CUX2: variants seen among roughly 807,000 people sequenced by gnomAD.
The protein encoded by CUX2 is cut like homeobox 2, also known as homeobox protein cut-like 2.
CUX2 carries 40 observed loss-of-function variants against 144.8 expected under a neutral mutation model. That is an observed-to-expected ratio of 0.28 (90% CI 0.21 to 0.36). The LOEUF (loss-of-function observed/expected upper bound fraction) is 0.36, where lower values mean the gene tolerates loss of function less well. Ranked by LOEUF, CUX2 falls within the 10% of genes least tolerant of loss-of-function variation. CUX2 has a pLI of 1.00. For missense variants in CUX2, 1,615 were observed against 1,994.0 expected (o/e 0.81, Z 3.62); for synonymous variants, 827 against 875.6 (o/e 0.94, Z 0.98).
chr12:111,192,284 C>T (rs1213974122), intron 1 of CUX2, among the ~76,000 whole-genome samples: 4 of 152,126 alleles, frequency 2.6e-5, no homozygotes, highest in South Asian at 4.2e-4. Context: ...ACACCACCGA[C>T]GCCCAGCTGA....
At position 111,242,769 on chromosome 12, in the gene CUX2, C is replaced by T. The variant is rs138074701; in HGVS notation, c.223-20992C>T. On this transcript the variant is annotated intron_variant, in intron 3 of 21. Transcript: ENST00000261726. The stretch of plus-strand genomic sequence containing the variant: ...GCAGAGGTTGCAGTGAGTCGAGATT[C>T]CACCACTGCATTCCAGCCGGGGCAG... Among the ~76,000 whole-genome samples the T allele has an allele frequency of 2.1e-3, 314 of 152,186 alleles. 4 individuals carry two copies. Among genetic ancestry groups the T allele is most frequent in the African/African-American group, 7.3e-3 (305 of 41,516 alleles).
intron 1 of CUX2, among the ~76,000 whole-genome samples, chr12:111,082,953 G>T (rs1219773803): frequency 6.6e-6 from 1 of 152,168 alleles, no homozygotes; most frequent in Non-Finnish European, 1.5e-5. Flanking sequence ...GGTGTTCTGA[G>T]CTGTGCTGGA....
At chr12:111,311,655 G>C (rs780852995) in intron 15 of CUX2, among the ~76,000 whole-genome samples, 13 of 147,830 alleles carry the variant, frequency 8.8e-5, no homozygotes, top group African/African-American at 3.3e-4. Flanking sequence ...CTGGAGTGCA[G>C]TGGCACAATC....
intron 3 of CUX2, among the ~76,000 whole-genome samples, chr12:111,238,219 G>A (rs1244970956): frequency 6.6e-6 from 1 of 152,198 alleles, no homozygotes; most frequent in Non-Finnish European, 1.5e-5. Context: ...ATGTTTGTTT[G>A]CCTAATTACT....
At chr12:111,141,227 A>AACACACACACAC (rs111451932) in intron 1 of CUX2, among the ~76,000 whole-genome samples, 2 of 147,354 alleles carry the variant, frequency 1.4e-5, no homozygotes, top group African/African-American at 5.0e-5. Flanking sequence ...GGCTTAGGTC[A>AACACACACACAC]ACACACACAC....
At chr12:111,342,737 T>C (rs1888630595) in intron 21 of CUX2, among the ~76,000 whole-genome samples, 1 of 152,100 alleles carries the variant, frequency 6.6e-6, no homozygotes, top group Admixed American at 6.6e-5. Flanking sequence ...GGTGGGCAGA[T>C]CACCTGAGGT....
At chr12:111,116,259 T>C (rs567108387) in intron 1 of CUX2, among the ~76,000 whole-genome samples, 1 of 152,324 alleles carries the variant, frequency 6.6e-6, no homozygotes, top group East Asian at 1.9e-4. Flanking sequence ...AGTCAGAGCA[T>C]TGGAAAAACC....
At chr12:111,180,540 A>C (rs1166932624) in intron 1 of CUX2, among the ~76,000 whole-genome samples, 2 of 152,230 alleles carry the variant, frequency 1.3e-5, no homozygotes, top group African/African-American at 4.8e-5. Context: ...GTGTCAACAT[A>C]GAAAAGTAAA....
At chr12:111,313,490 A>C (rs1036466859) in intron 16 of CUX2, among the ~76,000 whole-genome samples, 1 of 151,412 alleles carries the variant, frequency 6.6e-6, no homozygotes, top group Non-Finnish European at 1.5e-5. Flanking sequence ...ACATACAAAA[A>C]AATTAGCTGG....
In CUX2 at chr12:111,320,466, C is replaced by A. The variant is rs201135503; in HGVS notation, c.2457C>A (p.Pro819=). The A allele has an allele frequency of 1.7e-4, 278 of 1,591,216 alleles. No individual in the cohort carries two copies. Among genetic ancestry groups the A allele is most frequent in the Middle Eastern group, 3.3e-4 (2 of 6,054 alleles). ...SSSSSGYSGQ[P]NGRAWPRGDE... is the part of the protein sequence containing the mutation. ...CCTCCTCTGGCTACTCTGGCCAGCC[C>A]AACGGCCGCGCCTGGCCCCGCGGGG... The change falls in exon 17 of 22, where the codon CCC becomes CCA. Residue 819 remains proline, a synonymous_variant. Transcript: ENST00000261726. The surrounding 1 kb of genome is among the most constrained non-coding windows in gnomAD (Gnocchi z 8.1).
chr12:111,181,654 A>C (rs573237033), intron 1 of CUX2, among the ~76,000 whole-genome samples: 1 of 152,372 alleles, frequency 6.6e-6, no homozygotes, highest in South Asian at 2.1e-4. Flanking sequence ...AGGCCTGCGC[A>C]GATCTATAAA....
At chr12:111,281,736 T>C (rs1366418976) in intron 4 of CUX2, among the ~76,000 whole-genome samples, 1 of 152,202 alleles carries the variant, frequency 6.6e-6, no homozygotes, top group Non-Finnish European at 1.5e-5. Context: ...GTCCTTGTTT[T>C]ACAGATGGGG....
chr12:111,048,601 G>T (rs1258291988), intron 1 of CUX2, among the ~76,000 whole-genome samples: 1 of 152,124 alleles, frequency 6.6e-6, no homozygotes, highest in Admixed American at 6.5e-5. Flanking sequence ...TGGGGGATTG[G>T]GTTATGTTCT....
chr12:111,048,786 G>A (rs550935192), intron 1 of CUX2, among the ~76,000 whole-genome samples: 50 of 152,252 alleles, frequency 3.3e-4, no homozygotes, highest in Non-Finnish European at 5.7e-4. Flanking sequence ...TTCATATATG[G>A]GGATGCTGTT....
chr12:111,059,102 A>G lies in CUX2; in HGVS notation c.63+24862A>G, dbSNP rs1217892332. Among the ~76,000 whole-genome samples the G allele has an allele frequency of 6.6e-6, 1 of 152,248 alleles. No homozygotes were observed. Among genetic ancestry groups the G allele is most frequent in the Non-Finnish European group, 1.5e-5 (1 of 68,052 alleles). On this transcript the variant is annotated intron_variant, in intron 1 of 21. Coordinates refer to ENST00000261726, the MANE Select transcript of CUX2 (RefSeq NM_015267.4). The surrounding 1 kb of genome is among the most constrained non-coding windows in gnomAD (Gnocchi z 5.3). ...AACCGTAAACATCTAGAGGCTCGGA[A>G]TGCTGAACTTTCTGAGGATGCAGCC...
intron 1 of CUX2, among the ~76,000 whole-genome samples, chr12:111,098,604 T>C (rs1872989038): frequency 6.6e-6 from 1 of 152,174 alleles, no homozygotes; most frequent in African/African-American, 2.4e-5. Flanking sequence ...GCTCGGGGAC[T>C]GCGGAGCCCC....
chr12:111,198,457 A>G (rs1429825492), intron 1 of CUX2, among the ~76,000 whole-genome samples: 1 of 149,064 alleles, frequency 6.7e-6, no homozygotes, highest in Non-Finnish European at 1.5e-5. Context: ...CCTGAGGTAC[A>G]GAGTGAGACC....
At chr12:111,072,804 C>T (rs1455698638) in intron 1 of CUX2, among the ~76,000 whole-genome samples, 3 of 152,132 alleles carry the variant, frequency 2.0e-5, no homozygotes, top group Non-Finnish European at 4.4e-5. Flanking sequence ...GGGCAGGGAC[C>T]CCTCCCCCAA....
intron 3 of CUX2, among the ~76,000 whole-genome samples, chr12:111,219,376 T>C (rs546892650): frequency 6.6e-6 from 1 of 151,318 alleles, no homozygotes; most frequent in Non-Finnish European, 1.5e-5. Context: ...TGTCATGACT[T>C]TGTGTTACAA....
Sources: allele counts gnomAD v4.1 joint callset (sites outside exome capture counted in the v4.1 genomes callset), GRCh38; gene constraint gnomAD v4.1.1; non-coding constraint Gnocchi (gnomAD v3.1); transcripts MANE v1.5; gene names NCBI Gene and HGNC (gene_info 2026-07-23, HGNC 2026-07-21).